Variants in ANKRD44 observed in about 807,000 individuals in gnomAD.
ANKRD44 encodes ankyrin repeat domain 44, also known as serine/threonine-protein phosphatase 6 regulatory ankyrin repeat subunit B.
ANKRD44 carries 35 observed loss-of-function variants against 116.0 expected under a neutral mutation model. The ratio of observed to expected loss-of-function variants is 0.30; its 90% CI spans 0.23 to 0.40. ANKRD44 has a LOEUF of 0.40. Ranked by LOEUF, ANKRD44 falls within the 10% of genes least tolerant of loss-of-function variation. ANKRD44 has a pLI of 1.00. For missense variants in ANKRD44, 1,014 were observed against 1,242.6 expected, an observed-to-expected ratio of 0.82 and a Z score of 2.77; for synonymous variants, 435 against 461.8, an observed-to-expected ratio of 0.94 and a Z score of 0.74.
At chr2:197,299,742 A>G (rs1005522135) in intron 1 of ANKRD44, among the ~76,000 whole-genome samples, 1 of 152,222 alleles carries the variant, frequency 6.6e-6, no homozygotes, top group African/African-American at 2.4e-5. Flanking sequence ...TTTAGTGGTG[A>G]CAGGTGCACC....
chr2:197,274,721 A>G (rs1028104734), intron 1 of ANKRD44, among the ~76,000 whole-genome samples: 1 of 152,160 alleles, frequency 6.6e-6, no homozygotes, highest in Non-Finnish European at 1.5e-5. Flanking sequence ...AACCTGCACC[A>G]AAGCCCTTTT....
chr2:197,104,841 C>G lies in ANKRD44; in HGVS notation c.986-4911G>C, dbSNP rs140958602. Among the ~76,000 whole-genome samples the G allele has an allele frequency of 9.4e-4, 143 of 152,322 alleles. 1 individual carries two copies. The highest frequency in any genetic ancestry group is 3.1e-3 in the African/African-American group (130 of 41,570). On this transcript the variant is annotated intron_variant, in intron 9 of 27. Coordinates refer to ENST00000282272, the MANE Select transcript of ANKRD44 (RefSeq NM_001195144.2). The stretch of plus-strand genomic sequence containing the variant: ...AAATGTGTGCACTTTGTGAAGGGGA[C>G]AATTGTTTCAAAAACTCCAATTAGC...
chr2:196,968,753 T>G (rs928357745), intron 21 of ANKRD44, among the ~76,000 whole-genome samples: 2 of 152,234 alleles, frequency 1.3e-5, no homozygotes, highest in East Asian at 1.9e-4. Context: ...TGCCTTGTCT[T>G]TCTCTTGGCT....
At chr2:197,290,028 T>C (rs1165402749) in intron 1 of ANKRD44, among the ~76,000 whole-genome samples, 1 of 152,078 alleles carries the variant, frequency 6.6e-6, no homozygotes, top group Non-Finnish European at 1.5e-5. Flanking sequence ...GCCTGGCTAA[T>C]ATTTGTATTT....
intron 1 of ANKRD44, among the ~76,000 whole-genome samples, chr2:197,237,636 A>G (rs1483235628): frequency 6.6e-6 from 1 of 152,236 alleles, no homozygotes; most frequent in Non-Finnish European, 1.5e-5. Flanking sequence ...CATGTAAATC[A>G]CTACAAAAGA....
At chr2:197,046,920 C>G (rs1247911765) in intron 16 of ANKRD44, among the ~76,000 whole-genome samples, 1 of 152,004 alleles carries the variant, frequency 6.6e-6, no homozygotes, top group East Asian at 1.9e-4. Context: ...AAAAAGTTAG[C>G]CTTAAAAAGC....
intron 21 of ANKRD44, among the ~76,000 whole-genome samples, chr2:196,970,346 A>G (rs541376731): frequency 1.6e-4 from 24 of 152,304 alleles, no homozygotes; most frequent in Admixed American, 1.5e-3. Flanking sequence ...AAAAAATGTT[A>G]GAGCTGGAAG....
intron 16 of ANKRD44, among the ~76,000 whole-genome samples, chr2:197,055,686 T>C (rs1281879423): frequency 6.6e-6 from 1 of 152,210 alleles, no homozygotes; most frequent in African/African-American, 2.4e-5. Context: ...GGTGAAAAGA[T>C]AATTTTCTCT....
chr2:197,156,648 A>G (rs941373794), intron 2 of ANKRD44, among the ~76,000 whole-genome samples: 6 of 152,262 alleles, frequency 3.9e-5, no homozygotes, highest in Non-Finnish European at 7.3e-5. Flanking sequence ...AGAGACTTGC[A>G]CATGAGTATT....
chr2:197,164,533 G>A (rs576074778), intron 2 of ANKRD44, among the ~76,000 whole-genome samples: 8 of 152,212 alleles, frequency 5.3e-5, no homozygotes, highest in African/African-American at 1.7e-4. Flanking sequence ...CTCCTGGGTG[G>A]GAAAGAAACA....
At chr2:197,178,049 C>G (rs1360385907) in intron 2 of ANKRD44, among the ~76,000 whole-genome samples, 1 of 152,094 alleles carries the variant, frequency 6.6e-6, no homozygotes, top group East Asian at 1.9e-4. Context: ...GGGTGAATCC[C>G]CCACAGTTAG....
chr2:197,299,605 C>T (rs1054175070), intron 1 of ANKRD44: 8 of 152,186 alleles, frequency 5.3e-5, no homozygotes, highest in African/African-American at 1.9e-4. Flanking sequence ...ATCATATGTT[C>T]TCACTCATTA....
At chr2:196,982,558 C>T (rs1249448422), downstream of ANKRD44, among the ~76,000 whole-genome samples, 1 of 152,146 alleles carries the variant, frequency 6.6e-6, no homozygotes, top group Non-Finnish European at 1.5e-5. Context: ...TGATCCCAGC[C>T]CTGGCTTCTT....
At position 196,987,267 on chromosome 2, in the gene ANKRD44, A is replaced by G; in HGVS notation, c.*2324T>C. 5.1e-6 allele frequency: 5 copies of G among 985,156 alleles called. No individual in the cohort carries two copies. Among genetic ancestry groups the G allele is most frequent in the Non-Finnish European group, 6.0e-6 (5 of 829,642 alleles). The allele number at this position is 985,156 out of a possible 1,614,324, so 61.0% of individuals were successfully genotyped here. A position where few individuals can be genotyped will look rare whatever the true frequency, so the allele number is the denominator to read the frequency against. ...ACTTAAGCATTTTCATATTCATTTCAATGCAAGTACAAGGGGAAATAGGAA... is the reference window on the plus strand; with the variant it reads ...ACTTAAGCATTTTCATATTCATTTCGATGCAAGTACAAGGGGAAATAGGAA... On this transcript the variant is annotated 3_prime_UTR_variant, in exon 28 of 28. Transcript: ENST00000282272.
At chr2:196,998,872 G>C in intron 24 of ANKRD44, 35 bp downstream of exon 24, 1 of 1,605,124 alleles carries the variant, frequency 6.2e-7, no homozygotes. Flanking sequence ...TTTTTGCATG[G>C]GCATAAGGGC....
At chr2:197,055,325 T>C (rs2077182915) in intron 16 of ANKRD44, among the ~76,000 whole-genome samples, 1 of 152,214 alleles carries the variant, frequency 6.6e-6, no homozygotes, top group African/African-American at 2.4e-5. Context: ...TTTCTTTATA[T>C]GTTCTGTAGG....
intron 2 of ANKRD44, among the ~76,000 whole-genome samples, chr2:197,185,173 C>G (rs1190577341): frequency 6.6e-6 from 1 of 152,210 alleles, no homozygotes; most frequent in Non-Finnish European, 1.5e-5. Context: ...AAGCACAGGT[C>G]GCAACCCGCA....
chr2:197,049,220 A>C (rs963859352), intron 16 of ANKRD44, among the ~76,000 whole-genome samples: 4 of 152,142 alleles, frequency 2.6e-5, no homozygotes, highest in Non-Finnish European at 5.9e-5. Context: ...TTTTCTTGCC[A>C]TGCTTGTGGT....
chr2:197,216,086 G>C (rs1252370320), intron 1 of ANKRD44, among the ~76,000 whole-genome samples: 1 of 152,168 alleles, frequency 6.6e-6, no homozygotes, highest in Non-Finnish European at 1.5e-5. Context: ...CTGGATGCCT[G>C]TCTTAGTAAA....
Sources: allele counts gnomAD v4.1 joint callset (sites outside exome capture counted in the v4.1 genomes callset), GRCh38; gene constraint gnomAD v4.1.1; transcripts MANE v1.5; gene names NCBI Gene and HGNC (gene_info 2026-07-23, HGNC 2026-07-21).